BTC: variants seen among roughly 807,000 people sequenced by gnomAD.
The protein encoded by BTC is probetacellulin.
BTC carries 13 observed loss-of-function variants against 18.1 expected under a neutral mutation model. The observed-to-expected ratio is 0.72, with a 90% confidence interval of 0.47 to 1.14. The LOEUF is 1.14. Among genes scored for constraint, BTC ranks in the 50% most tolerant of loss-of-function variants. The probability of loss-of-function intolerance (pLI) is 0.00; values close to 1 mark genes in which losing one functional copy is unlikely to be tolerated. For synonymous variants in BTC, 83 were observed against 79.4 expected (o/e 1.05, Z -0.24); for missense variants, 247 against 224.2 (o/e 1.10, Z -0.65).
intron 2 of BTC, among the ~76,000 whole-genome samples, chr4:74,769,117 G>C (rs1724975667): frequency 6.6e-6 from 1 of 152,144 alleles, no homozygotes; most frequent in Non-Finnish European, 1.5e-5. Flanking sequence ...GAGGGTGCTA[G>C]GAAAGGAGCA....
rs536860133 is a variant in BTC, at chr4:74,794,519, T to G, written c.-194A>C. ...CAGGGCGGGAGGCCGGCCGGCTCCG[T>G]GAATGTCGCCGGGAGGAGGGAGCCT... On this transcript the variant is annotated 5_prime_UTR_variant, in exon 1 of 6. Transcript: ENST00000395743. The G allele has an allele frequency of 4.1e-5, 25 of 615,382 alleles. No homozygotes were observed. Among genetic ancestry groups the G allele is most frequent in the Non-Finnish European group, 5.8e-5 (21 of 361,004 alleles). 38.1% of individuals were successfully genotyped at this position (615,382 alleles called of 1,614,324 possible). A position where few individuals can be genotyped will look rare whatever the true frequency, so the allele number is the denominator to read the frequency against.
In BTC at chr4:74,748,164, G is replaced by A. The variant is rs782316520; in HGVS notation, c.429-15C>T. 12 of 1,505,444 alleles carry A rather than the reference G, an allele frequency of 8.0e-6. No homozygotes were observed. In the South Asian group the frequency reaches 1.4e-4, roughly 17 times the overall value. 93.3% of individuals were successfully genotyped at this position (1,505,444 alleles called of 1,614,324 possible). On this transcript the variant is annotated splice_polypyrimidine_tract_variant and intron_variant, in intron 4 of 5. Transcript: ENST00000395743. ...TCCGAAGAGGGCTTGGAAAATACGT[G>A]TTAGAAGTTAGTATGGGCCTAGTAG...
At chr4:74,761,094 T>C (rs1724744690) in intron 2 of BTC, among the ~76,000 whole-genome samples, 1 of 151,600 alleles carries the variant, frequency 6.6e-6, no homozygotes, top group Non-Finnish European at 1.5e-5. Flanking sequence ...GGAATGGGCC[T>C]TCACCCAGAG....
At chr4:74,757,788 A>G (rs995883523) in intron 2 of BTC, among the ~76,000 whole-genome samples, 4 of 152,246 alleles carry the variant, frequency 2.6e-5, no homozygotes, top group Admixed American at 1.3e-4. Flanking sequence ...TTTAATTTTT[A>G]GCTATGCCTT....
At chr4:74,794,157 G>T in intron 1 of BTC, 105 bp downstream of exon 1, 1 of 1,425,982 alleles carries the variant, frequency 7.0e-7, no homozygotes, top group Non-Finnish European at 9.6e-7. Flanking sequence ...GCCAGCCCCA[G>T]CGCGCCCTCT....
chr4:74,748,339 G>T (rs1724349018), intron 4 of BTC, among the ~76,000 whole-genome samples, 190 bp from the exon 5 acceptor site: 1 of 152,048 alleles, frequency 6.6e-6, no homozygotes, highest in African/African-American at 2.4e-5. Flanking sequence ...ACAAGGTCAG[G>T]AGATTGAGAC....
At chr4:74,782,862 G>C (rs892699546) in intron 1 of BTC, among the ~76,000 whole-genome samples, 4 of 152,158 alleles carry the variant, frequency 2.6e-5, no homozygotes, top group African/African-American at 9.7e-5. Flanking sequence ...GTGATGTTGA[G>C]CTCTTTTTCA....
intron 1 of BTC, among the ~76,000 whole-genome samples, chr4:74,790,586 C>G (rs1312640090): frequency 6.6e-6 from 1 of 152,168 alleles, no homozygotes; most frequent in Non-Finnish European, 1.5e-5. Flanking sequence ...AGCGATGTCA[C>G]CCCTTCTCCA....
intron 1 of BTC, among the ~76,000 whole-genome samples, chr4:74,789,439 C>A (rs574661784): frequency 1.3e-5 from 2 of 152,198 alleles, no homozygotes; most frequent in East Asian, 1.9e-4. Flanking sequence ...TGAATATTAC[C>A]TGCCAATTAT....
rs568969643 is a variant in BTC at position 74,763,208 on chromosome 4, C to T, written c.163+6850G>A. Among the ~76,000 whole-genome samples, 125 of 152,154 alleles carry T rather than the reference C, an allele frequency of 8.2e-4. 2 individuals are homozygous for T. The South Asian group carries it at 0.025, about 30-fold the overall frequency. On this transcript the variant is annotated intron_variant, in intron 2 of 5. Transcript: ENST00000395743. Reference sequence around the variant, plus strand: ...AGAAAAATACTAAATAATTTTTTGACATTATATTATTATTGTGATATTTAA... The same window carrying T: ...AGAAAAATACTAAATAATTTTTTGATATTATATTATTATTGTGATATTTAA...
Position 74,749,693 on chromosome 4 carries a change from TG to T in BTC, c.428+879del, listed in dbSNP as rs1560708311. Among the ~76,000 whole-genome samples, 107 of 134,954 alleles carry T rather than the reference TG, an allele frequency of 7.9e-4. 2 individuals are homozygous for T. The highest frequency in any genetic ancestry group is 1.2e-3 in the African/African-American group (42 of 36,410). 88.5% of individuals were successfully genotyped at this position (134,954 alleles called of 152,430 possible). A position where few individuals can be genotyped will look rare whatever the true frequency, so the allele number is the denominator to read the frequency against. On this transcript the variant is annotated intron_variant, in intron 4 of 5. Coordinates refer to ENST00000395743, the MANE Select transcript of BTC (RefSeq NM_001729.4). ...TTAATAAGATAGTTTTTTTTGTTGT[TG>T]TTGTTGTTGTTGTTGTTTTTGGTAG...
At chr4:74,749,402 T>C (rs551481349) in intron 4 of BTC, among the ~76,000 whole-genome samples, 116 of 151,852 alleles carry the variant, frequency 7.6e-4, no homozygotes, top group Middle Eastern at 6.8e-3. Flanking sequence ...GAGGTTGCAG[T>C]GAGCCAAGAT....
At chr4:74,765,053 A>G (rs1453966820) in intron 2 of BTC, among the ~76,000 whole-genome samples, 1 of 90,582 alleles carries the variant, frequency 1.1e-5, no homozygotes, top group Non-Finnish European at 2.0e-5. Flanking sequence ...ACTATGAATC[A>G]ATTATTTCTA....
At chr4:74,766,487 T>G (rs547072041) in intron 2 of BTC, among the ~76,000 whole-genome samples, 1 of 151,452 alleles carries the variant, frequency 6.6e-6, no homozygotes, top group South Asian at 2.1e-4. Context: ...AAGGATTATA[T>G]TAGACTACCA....
chr4:74,790,652 A>G (rs1402698176), intron 1 of BTC, among the ~76,000 whole-genome samples: 1 of 152,214 alleles, frequency 6.6e-6, no homozygotes, highest in Non-Finnish European at 1.5e-5. Context: ...TGGAGAATAT[A>G]CAGGAGTCAC....
chr4:74,779,169 T>C (rs1250936254), intron 1 of BTC, among the ~76,000 whole-genome samples: 5 of 152,272 alleles, frequency 3.3e-5, no homozygotes, highest in African/African-American at 1.2e-4. Flanking sequence ...TATCTTGGTG[T>C]TTAGGAAAGG....
intron 4 of BTC, among the ~76,000 whole-genome samples, chr4:74,748,490 T>G (rs1195562556): frequency 6.6e-6 from 1 of 151,794 alleles, no homozygotes; most frequent in Non-Finnish European, 1.5e-5. Flanking sequence ...GAGCCGAGAT[T>G]GCGCCACTGC....
intron 1 of BTC, among the ~76,000 whole-genome samples, chr4:74,781,328 A>G (rs568184735): frequency 2.0e-5 from 3 of 152,014 alleles, no homozygotes; most frequent in Non-Finnish European, 2.9e-5. Context: ...GTTGACTCTC[A>G]TAAGCCAAAG....
At chr4:74,749,679 G>A (rs78574413) in intron 4 of BTC, among the ~76,000 whole-genome samples, 2 of 77,836 alleles carry the variant, frequency 2.6e-5, no homozygotes, top group Admixed American at 1.2e-4. Flanking sequence ...TAATAAGATA[G>A]TTTTTTTTGT....
Sources: allele counts gnomAD v4.1 joint callset (sites outside exome capture counted in the v4.1 genomes callset), GRCh38; gene constraint gnomAD v4.1.1; transcripts MANE v1.5; gene names NCBI Gene and HGNC (gene_info 2026-07-23, HGNC 2026-07-21).